Variants in CCNY observed in about 807,000 individuals in gnomAD.
The protein encoded by CCNY is cyclin-Y.
A neutral mutation model predicts 42.8 loss-of-function variants in CCNY; 19 were observed. The ratio of observed to expected loss-of-function variants is 0.44; its 90% CI spans 0.31 to 0.65. The LOEUF is 0.65. CCNY is among the 30% of genes least tolerant of loss of function. The probability of loss-of-function intolerance (pLI) is 0.07; values close to 1 mark genes in which losing one functional copy is unlikely to be tolerated. For synonymous variants in CCNY, 165 were observed against 162.7 expected, an observed-to-expected ratio of 1.01 and a Z score of -0.11; for missense variants, 370 against 437.3, an observed-to-expected ratio of 0.85 and a Z score of 1.37.
At chr10:35,346,458 T>G (rs1028231228) in intron 1 of CCNY, among the ~76,000 whole-genome samples, 4 of 152,148 alleles carry the variant, frequency 2.6e-5, no homozygotes, top group Admixed American at 6.5e-5. Flanking sequence ...ATCAGCAAGA[T>G]TTTGCCTGTA....
intron 9 of CCNY, among the ~76,000 whole-genome samples, chr10:35,566,811 T>A (rs1841581162): frequency 6.6e-6 from 1 of 152,128 alleles, no homozygotes. Context: ...GTTCAAGTGA[T>A]TCTTCTGCCT....
chr10:35,536,592 G>C (rs1840891673), intron 7 of CCNY, among the ~76,000 whole-genome samples: 1 of 152,144 alleles, frequency 6.6e-6, no homozygotes, highest in Admixed American at 6.5e-5. Context: ...TAAGGTTCAG[G>C]CTGAGGTGGC....
chr10:35,271,198 T>C (rs1199454637), intron 3 of CCNY, among the ~76,000 whole-genome samples: 1 of 152,062 alleles, frequency 6.6e-6, no homozygotes, highest in Non-Finnish European at 1.5e-5. Context: ...TCCCCAGAAT[T>C]GAAGAGACAA....
intron 3 of CCNY, among the ~76,000 whole-genome samples, chr10:35,509,557 T>C (rs570556281): frequency 1.4e-3 from 216 of 152,348 alleles, no homozygotes; most frequent in African/African-American, 4.7e-3. Flanking sequence ...ATTACAGCCA[T>C]GAGCCACTGT....
chr10:35,493,306 G>C (rs1348153264), intron 2 of CCNY, among the ~76,000 whole-genome samples: 1 of 152,056 alleles, frequency 6.6e-6, no homozygotes, highest in Non-Finnish European at 1.5e-5. Context: ...CCCCCAGGCT[G>C]GGGGGAGTTT....
At chr10:35,529,881 A>T in intron 5 of CCNY, 92 bp from the exon 6 acceptor site, 2 of 1,335,592 alleles carry the variant, frequency 1.5e-6, no homozygotes, top group Non-Finnish European at 2.1e-6. Flanking sequence ...CAAAAAAAAA[A>T]AAAAAGTCAT....
intron 2 of CCNY, among the ~76,000 whole-genome samples, chr10:35,487,003 G>A (rs1194855344): frequency 6.6e-6 from 1 of 152,150 alleles, no homozygotes; most frequent in Non-Finnish European, 1.5e-5. Flanking sequence ...CGACCTTTTT[G>A]TCTTTGCCAC....
At chr10:35,304,748 C>T (rs1589026312) in intron 3 of CCNY, among the ~76,000 whole-genome samples, 2 of 152,152 alleles carry the variant, frequency 1.3e-5, no homozygotes, top group South Asian at 4.1e-4. Flanking sequence ...AGCAGAATCC[C>T]TAGCCTCTAC....
intron 1 of CCNY, among the ~76,000 whole-genome samples, chr10:35,430,336 C>CA (rs397954370): frequency 0.14 from 7,756 of 55,176 alleles, 1,274 homozygotes; most frequent in East Asian, 0.35. Flanking sequence ...GACTCCGTCT[C>CA]AAAAAAAAAA....
At chr10:35,564,662 A>G (rs925400555) in intron 8 of CCNY, among the ~76,000 whole-genome samples, 11 of 152,124 alleles carry the variant, frequency 7.2e-5, no homozygotes, top group Non-Finnish European at 1.3e-4. Context: ...GCCCTGCACT[A>G]GGGCCCTGGC....
chr10:35,379,798 CT>C (rs1231301810), intron 1 of CCNY, among the ~76,000 whole-genome samples: 1 of 152,218 alleles, frequency 6.6e-6, no homozygotes, highest in East Asian at 1.9e-4. Flanking sequence ...CCCCCTACCC[CT>C]TCTTTCCTTT....
chr10:35,501,720 C>T (rs910529292), intron 3 of CCNY, 185 bp downstream of exon 3: 1 of 550,354 alleles, frequency 1.8e-6, no homozygotes, highest in Non-Finnish European at 3.3e-6. Context: ...TCCACTGTCC[C>T]AAATATTTTT....
intron 1 of CCNY, among the ~76,000 whole-genome samples, chr10:35,339,537 C>T: frequency 6.6e-6 from 1 of 152,278 alleles, no homozygotes; most frequent in Middle Eastern, 3.4e-3. Context: ...TTTAAAACTA[C>T]ATTTTAAGAA....
At chr10:35,410,908 T>G (rs995904827) in intron 1 of CCNY, among the ~76,000 whole-genome samples, 4 of 152,168 alleles carry the variant, frequency 2.6e-5, no homozygotes, top group Non-Finnish European at 4.4e-5. Flanking sequence ...ATACTTGGTG[T>G]TGTTGGATTT....
intron 3 of CCNY, among the ~76,000 whole-genome samples, chr10:35,323,331 T>G (rs1476787905): frequency 6.6e-6 from 1 of 152,202 alleles, no homozygotes; most frequent in South Asian, 2.1e-4. Context: ...AACTTGTACA[T>G]AGATGTTCAT....
At chr10:35,499,948 A>G (rs936219471) in intron 2 of CCNY, among the ~76,000 whole-genome samples, 9 of 152,248 alleles carry the variant, frequency 5.9e-5, no homozygotes, top group African/African-American at 1.9e-4. Flanking sequence ...CTATATATGT[A>G]TGTATGTATG....
At chr10:35,274,169 G>T (rs1164388121) in intron 3 of CCNY, among the ~76,000 whole-genome samples, 2 of 152,188 alleles carry the variant, frequency 1.3e-5, no homozygotes, top group African/African-American at 2.4e-5. Flanking sequence ...AGGAGCAAAG[G>T]CACGTCTTAC....
At position 35,404,834 on chromosome 10, in the gene CCNY, G is replaced by T. The variant is rs550898042; in HGVS notation, c.154+67627G>T. On this transcript the variant is annotated intron_variant, in intron 1 of 9. Coordinates refer to ENST00000374704, the MANE Select transcript of CCNY (RefSeq NM_145012.6). The stretch of plus-strand genomic sequence containing the variant: ...GGTAATGGATGAGGAAGAAATTTGG[G>T]CTTGACTGAAGTAGTAGGGGCTGTC... Among the ~76,000 whole-genome samples the T allele has an allele frequency of 4.2e-4, 64 of 152,238 alleles. 1 individual carries two copies. The South Asian group carries it at 0.013, about 32-fold the overall frequency.
intron 2 of CCNY, among the ~76,000 whole-genome samples, chr10:35,500,873 A>G (rs1415633729): frequency 6.6e-6 from 1 of 151,622 alleles, no homozygotes; most frequent in African/African-American, 2.4e-5. Context: ...GAGCAGTATC[A>G]ATTATGGTGA....
Sources: gnomAD v4.1 joint callset for allele counts (sites outside exome capture counted in the v4.1 genomes callset) on GRCh38, gnomAD v4.1.1 for gene constraint, MANE v1.5 for transcripts, NCBI Gene and HGNC (gene_info 2026-07-23, HGNC 2026-07-21) for gene names.